The following TRIM63 variants were observed in gnomAD, a reference collection of about 807,000 sequenced individuals.
TRIM63 encodes the protein E3 ubiquitin-protein ligase TRIM63.
In TRIM63, 48 loss-of-function variants were observed where a neutral mutation model predicts 46.0. The observed-to-expected ratio is 1.04, with a 90% CI of 0.83 to 1.33. TRIM63 has a LOEUF of 1.33. Among genes scored for constraint, TRIM63 ranks in the 40% most tolerant of loss-of-function variants. The pLI is 0.00. For synonymous variants in TRIM63, 175 were observed against 162.8 expected, an observed-to-expected ratio of 1.08 and a Z score of -0.57; for missense variants, 455 against 441.2, an observed-to-expected ratio of 1.03 and a Z score of -0.28.
At position 26,057,634 on chromosome 1, in the gene TRIM63, A is replaced by G; in HGVS notation, c.848T>C (p.Ile283Thr). Residue 283 changes from isoleucine to threonine, a missense_variant, in exon 6 of 9, where the codon ATC becomes ACC. Transcript: ENST00000374272. ...CCTCTAGGAAGACACTGACCTTTTG[A>G]TGAGTTGCTTGGCAGTCTGCAGGGG... is the stretch of plus-strand genomic sequence containing the variant. ...ATFLLTAKQL[I>T]KSIVEASKGC... 6.2e-7 allele frequency: 1 copy of G among 1,610,572 alleles called. No individual in the cohort carries two copies. The highest frequency in any genetic ancestry group is 8.5e-7 in the Non-Finnish European group (1 of 1,178,430).
intron 5 of TRIM63, 118 bp from the exon 6 acceptor site, chr1:26,057,768 T>G: frequency 2.8e-6 from 3 of 1,059,258 alleles, no homozygotes; most frequent in Non-Finnish European, 4.1e-6. Flanking sequence ...CTAGCCCAGT[T>G]GTGACCTGCT....
At position 26,057,269 on chromosome 1, in the gene TRIM63, T is replaced by C. The variant is rs1252266240; in HGVS notation, c.913A>G (p.Met305Val). Residue 305 changes from methionine (M) to valine (V), a missense_variant, in exon 7 of 9, where the codon ATG becomes GTG. Physicochemically the swap from Met to Val is conservative, Grantham distance 21 (BLOSUM62 1). Coordinates refer to ENST00000374272, the MANE Select transcript of TRIM63 (RefSeq NM_032588.4). The stretch of plus-strand genomic sequence containing the variant: ...TCTAAATCCAAAGTAAAGAAGTCCA[T>C]GTTCTCAAAGCCCTGCTCTGTCTTC... ...LGKTEQGFEN[M>V]DFFTLDLEHI... 6.2e-7 allele frequency: 1 copy of C among 1,614,048 alleles called. No individual in the cohort carries two copies. The highest frequency in any genetic ancestry group is 1.7e-5 in the Admixed American group (1 of 59,996).
chr1:26,053,765 G>A (rs984850685), intron 8 of TRIM63, 128 bp downstream of exon 8: 8 of 697,134 alleles, frequency 1.1e-5, no homozygotes, highest in Admixed American at 6.2e-5. Context: ...TAGGGTTAAA[G>A]CACGTGCTGG....
intron 2 of TRIM63, 142 bp downstream of exon 2, chr1:26,066,126 T>TC: frequency 1.0e-6 from 1 of 964,456 alleles, no homozygotes; most frequent in East Asian, 2.4e-5. Flanking sequence ...GGGTCTCCAG[T>TC]CCTGTCTCTG....
chr1:26,054,000 G>T, intron 7 of TRIM63, 36 bp from the exon 8 acceptor site: 1 of 1,459,146 alleles, frequency 6.9e-7, no homozygotes, highest in Non-Finnish European at 9.3e-7. Flanking sequence ...GGATGGGGCC[G>T]GTTCCTTGAG....
intron 2 of TRIM63, among the ~76,000 whole-genome samples, chr1:26,064,831 T>C (rs2050661833): frequency 6.6e-6 from 1 of 152,174 alleles, no homozygotes; most frequent in Non-Finnish European, 1.5e-5. Context: ...GTCAGGGTTT[T>C]TTCACCTGAG....
rs778318143 is a variant in TRIM63 at position 26,060,340 on chromosome 1, A to G, written c.523T>C (p.Ser175Pro). The G allele has an allele frequency of 6.8e-6, 11 of 1,613,944 alleles. No homozygotes were observed. The East Asian group carries it at 2.5e-4, about 36-fold the overall frequency. The change falls in exon 4 of 9, where the codon TCC becomes CCC. Residue 175 changes from serine (S) to proline (P), a missense_variant. By Grantham distance (74) the Ser-to-Pro change is moderately conservative. Transcript: ENST00000374272. ...GQKTELNNCI[S>P]MLVAGNDRVQ... ...CGGTCATTCCCCGCCACCAGCATGG[A>G]GATACAGTTATTCAGTTCAGTCTAG...
In TRIM63 at chr1:26,059,040, T is replaced by TC. The variant is rs2050598913; in HGVS notation, c.598-418_598-417insG. 4.7e-5 allele frequency among the ~76,000 whole-genome samples: 7 copies of TC among 150,360 alleles called. 1 individual carries two copies. In the South Asian group the frequency reaches 1.5e-3, roughly 32 times the overall value. On this transcript the variant is annotated intron_variant, in intron 4 of 8. Transcript: ENST00000374272. Reference sequence around the variant, plus strand: ...CTGTTGCCCTTTTTTTTTTTTTTTTTTTGAGATGGAGTCTCGCTCTGTTGC... The same window carrying TC: ...CTGTTGCCCTTTTTTTTTTTTTTTTTCTTGAGATGGAGTCTCGCTCTGTTGC...
intron 4 of TRIM63, among the ~76,000 whole-genome samples, chr1:26,058,990 A>AATGTGGG (rs1318741914): frequency 6.7e-6 from 1 of 150,194 alleles, no homozygotes; most frequent in Non-Finnish European, 1.5e-5. Context: ...ACAGTCACCC[A>AATGTGGG]ATGTGGGATC....
intron 2 of TRIM63, among the ~76,000 whole-genome samples, chr1:26,062,450 T>A (rs1225520246): frequency 1.3e-5 from 2 of 152,178 alleles, no homozygotes; most frequent in Non-Finnish European, 2.9e-5. Flanking sequence ...CACCACTTTC[T>A]AGCTGTATGG....
Position 26,060,280 on chromosome 1 carries a change from G to A in TRIM63, c.583C>T (p.Arg195Cys), listed in dbSNP as rs200823488. The A allele has an allele frequency of 1.3e-5, 21 of 1,613,774 alleles. No homozygotes were observed. The highest frequency in any genetic ancestry group is 5.0e-5 in the Admixed American group (3 of 60,022). The change falls in exon 4 of 9, where the codon CGT (arginine) becomes TGT (cysteine). Residue 195 changes from arginine to cysteine, a missense_variant. By Grantham distance (180) the Arg-to-Cys change is radical. Coordinates refer to ENST00000374272, the MANE Select transcript of TRIM63 (RefSeq NM_032588.4). ...QTIITQLEDSRRVTKENSHQV... is the reference protein window; with the variant it reads ...QTIITQLEDSCRVTKENSHQV... ...TGTCCGCTCACCTTGGTCACTCGACGGGAATCCTCCAGCTGAGTGATGATG... is the reference window on the plus strand; with the variant it reads ...TGTCCGCTCACCTTGGTCACTCGACAGGAATCCTCCAGCTGAGTGATGATG...
chr1:26,059,775 A>T (rs961002775), intron 4 of TRIM63, among the ~76,000 whole-genome samples: 2 of 152,120 alleles, frequency 1.3e-5, no homozygotes, highest in African/African-American at 4.8e-5. Flanking sequence ...TCACTACTCA[A>T]CATGTGGTCT....
intron 1 of TRIM63, 99 bp from the exon 2 acceptor site, chr1:26,066,539 C>T: frequency 8.8e-7 from 1 of 1,135,514 alleles, no homozygotes; most frequent in South Asian, 1.7e-5. Flanking sequence ...CCGAACCACC[C>T]CCGTCAAACC....
intron 2 of TRIM63, among the ~76,000 whole-genome samples, chr1:26,063,944 C>T (rs2050650335): frequency 6.6e-6 from 1 of 152,216 alleles, no homozygotes; most frequent in African/African-American, 2.4e-5. Context: ...AATATGTTTG[C>T]ATTTTGTAGT....
chr1:26,067,517 A>G lies in TRIM63; in HGVS notation c.-23T>C, dbSNP rs1220813781. Reference sequence around the variant, plus strand: ...CATTCTGTGGGAAGGAATGAGAGCCACGCCTAGCTGCCTCCTCTACTAACT... The same window carrying G: ...CATTCTGTGGGAAGGAATGAGAGCCGCGCCTAGCTGCCTCCTCTACTAACT... On this transcript the variant is annotated 5_prime_UTR_variant, in exon 1 of 9. Coordinates refer to ENST00000374272, the MANE Select transcript of TRIM63 (RefSeq NM_032588.4). The G allele has an allele frequency of 4.3e-6, 7 of 1,612,458 alleles. No homozygotes were observed. The highest frequency in any genetic ancestry group is 5.9e-6 in the Non-Finnish European group (7 of 1,179,628).
intron 2 of TRIM63, among the ~76,000 whole-genome samples, chr1:26,064,441 A>T (rs1557575797): frequency 6.6e-6 from 1 of 151,626 alleles, no homozygotes; most frequent in Admixed American, 6.6e-5. Context: ...AAAAAAAAAA[A>T]TTAAAAAAAT....
intron 8 of TRIM63, among the ~76,000 whole-genome samples, chr1:26,053,253 T>G (rs566254502): frequency 6.6e-6 from 1 of 152,148 alleles, no homozygotes; most frequent in Non-Finnish European, 1.5e-5. Context: ...CAGCAAGTAT[T>G]TATTTATTTA....
intron 2 of TRIM63, among the ~76,000 whole-genome samples, chr1:26,063,238 C>G (rs897091875): frequency 7.0e-6 from 1 of 142,930 alleles, no homozygotes; most frequent in Non-Finnish European, 1.6e-5. Flanking sequence ...GGTGTAGATT[C>G]GATTTTTTGA....
intron 4 of TRIM63, 86 bp downstream of exon 4, chr1:26,060,180 C>A: frequency 7.8e-7 from 1 of 1,277,896 alleles, no homozygotes; most frequent in African/African-American, 1.5e-5. Context: ...CAACCTTTAG[C>A]CACAACCTAT....
Sources: gnomAD v4.1 joint callset for allele counts (sites outside exome capture counted in the v4.1 genomes callset) on GRCh38, gnomAD v4.1.1 for gene constraint, MANE v1.5 for transcripts, NCBI Gene and HGNC (gene_info 2026-07-23, HGNC 2026-07-21) for gene names.